PCLO: variants seen among roughly 807,000 people sequenced by gnomAD.
PCLO encodes piccolo presynaptic cytomatrix protein.
In PCLO, 82 loss-of-function variants were observed where a neutral mutation model predicts 427.5. The observed-to-expected ratio is 0.19, with a 90% confidence interval of 0.16 to 0.23. The LOEUF is 0.23. Among genes scored for constraint, PCLO ranks in the 10% least tolerant of loss-of-function variants. The probability of loss-of-function intolerance (pLI) is 1.00; values close to 1 mark genes in which losing one functional copy is unlikely to be tolerated. For synonymous variants in PCLO, 2,357 were observed against 2,155.4 expected (o/e 1.09, Z -2.59); for missense variants, 6,239 against 6,115.9 (o/e 1.02, Z -0.67).
chr7:82,816,761 T>C (rs1042713946), intron 20 of PCLO, among the ~76,000 whole-genome samples: 1 of 152,086 alleles, frequency 6.6e-6, no homozygotes, highest in Non-Finnish European at 1.5e-5. Flanking sequence ...TCACGTCAGA[T>C]GAAATGAACA....
At position 82,966,252 on chromosome 7, in the gene PCLO, G is replaced by T; in HGVS notation, c.3536C>A (p.Thr1179Lys). Residue 1179 changes from threonine to lysine, a missense_variant, in exon 4 of 25, where the codon ACA becomes AAA. Thr to Lys is a moderately conservative substitution (Grantham distance 78). Coordinates refer to ENST00000333891, the MANE Select transcript of PCLO (RefSeq NM_033026.6). ...EKVILEKVKE[T>K]LSMEKIPPMV... ...AGGAGGAATTTTTTCCATTGATAGT[G>T]TTTCCTTTACTTTTTCCAGAATGAC... is the stretch of plus-strand genomic sequence containing the variant. 5.6e-6 allele frequency: 9 copies of T among 1,611,318 alleles called. No individual in the cohort carries two copies. Among genetic ancestry groups the T allele is most frequent in the Non-Finnish European group, 7.6e-6 (9 of 1,179,276 alleles).
intron 3 of PCLO, among the ~76,000 whole-genome samples, chr7:83,128,966 A>G (rs945573096): frequency 1.3e-5 from 2 of 152,038 alleles, no homozygotes; most frequent in African/African-American, 4.8e-5. Flanking sequence ...AGGGCCCCAA[A>G]TGTTACCTGG....
At chr7:83,075,078 T>G (rs1789916677) in intron 3 of PCLO, among the ~76,000 whole-genome samples, 1 of 152,138 alleles carries the variant, frequency 6.6e-6, no homozygotes, top group African/African-American at 2.4e-5. Context: ...GTTAGTATTT[T>G]GAGTCCCTTA....
chr7:82,907,836 G>A (rs767308507), intron 8 of PCLO, among the ~76,000 whole-genome samples: 2 of 151,924 alleles, frequency 1.3e-5, no homozygotes, highest in Non-Finnish European at 2.9e-5. Flanking sequence ...ATTTGTCCAT[G>A]AAAACTTAAA....
chr7:82,825,801 T>C (rs1349450553), intron 18 of PCLO, among the ~76,000 whole-genome samples: 7 of 148,024 alleles, frequency 4.7e-5, no homozygotes, highest in African/African-American at 1.7e-4. Context: ...ATATAAAATA[T>C]ATGTATATAC....
Position 82,951,407 on chromosome 7 carries a change from G to T in PCLO, c.9181C>A (p.Pro3061Thr). 1 of 1,599,256 alleles carries T rather than the reference G, an allele frequency of 6.3e-7. No individual in the cohort carries two copies. The highest frequency in any genetic ancestry group is 8.5e-7 in the Non-Finnish European group (1 of 1,172,260). The change falls in exon 6 of 25, where the codon CCA (proline) becomes ACA (threonine). Residue 3061 changes from proline to threonine, a missense_variant. Pro to Thr is a conservative substitution (Grantham distance 38). Coordinates refer to ENST00000333891, the MANE Select transcript of PCLO (RefSeq NM_033026.6). ...GTCATTCTTGCTGTGGAATACTGTG[G>T]GGTACTAATCCCAGCTCCTGAAATG... The part of the protein sequence containing the change: ...QVISGAGIST[P>T]QYSTARMTPP...
intron 17 of PCLO, among the ~76,000 whole-genome samples, chr7:82,827,112 T>C (rs1248274133): frequency 1.3e-5 from 2 of 152,052 alleles, no homozygotes; most frequent in African/African-American, 2.4e-5. Flanking sequence ...CAAACCCAGA[T>C]TATAATTTAT....
intron 16 of PCLO, among the ~76,000 whole-genome samples, 174 bp downstream of exon 16, chr7:82,835,493 A>G (rs769329754): frequency 6.6e-6 from 1 of 152,120 alleles, no homozygotes; most frequent in Non-Finnish European, 1.5e-5. Context: ...TGCTAAAGCT[A>G]TTTAGAAATA....
chr7:83,150,771 C>T (rs1041102287), intron 2 of PCLO, among the ~76,000 whole-genome samples: 2 of 152,116 alleles, frequency 1.3e-5, no homozygotes, highest in African/African-American at 4.8e-5. Flanking sequence ...TTCACCCATA[C>T]ATTACGCAAG....
chr7:82,998,095 G>C (rs1201508334), intron 3 of PCLO, among the ~76,000 whole-genome samples: 1 of 151,990 alleles, frequency 6.6e-6, no homozygotes, highest in Non-Finnish European at 1.5e-5. Flanking sequence ...TACCAGTGCA[G>C]AAACTCAGAA....
intron 2 of PCLO, among the ~76,000 whole-genome samples, chr7:83,136,889 C>T (rs557199505): frequency 1.3e-5 from 2 of 152,158 alleles, no homozygotes; most frequent in African/African-American, 2.4e-5. Context: ...TTAAAAGTAC[C>T]TATGTTTAAC....
At chr7:82,905,191 T>C (rs1489222164) in intron 8 of PCLO, among the ~76,000 whole-genome samples, 2 of 152,074 alleles carry the variant, frequency 1.3e-5, no homozygotes, top group African/African-American at 2.4e-5. Flanking sequence ...TCCTCATTGA[T>C]AGAATTATTG....
In PCLO at chr7:82,935,490, T is replaced by C. The variant is rs1438758316; in HGVS notation, c.11112+13986A>G. 2.0e-5 allele frequency among the ~76,000 whole-genome samples: 3 copies of C among 151,436 alleles called. No individual in the cohort carries two copies. The Admixed American group carries it at 2.0e-4, about 10-fold the overall frequency. On this transcript the variant is annotated intron_variant, in intron 6 of 24. Transcript: ENST00000333891. Reference sequence around the variant, plus strand: ...TAAGAATCAAATGCAATTATGTATGTTGCTTTTCACTCGGCAAAAAAGCAA... The same window carrying C: ...TAAGAATCAAATGCAATTATGTATGCTGCTTTTCACTCGGCAAAAAAGCAA...
chr7:83,157,471 GTAGT>G (rs1792331079), intron 1 of PCLO, among the ~76,000 whole-genome samples: 1 of 151,940 alleles, frequency 6.6e-6, no homozygotes, highest in African/African-American at 2.4e-5. Flanking sequence ...AATGTAGCAA[GTAGT>G]TAATTTTCAA....
chr7:82,955,662 C>T lies in PCLO; in HGVS notation c.5291G>A (p.Gly1764Asp). ...QQRKARHRPH[G>D]PLLPTIEDSS... is the part of the protein sequence containing the mutation. The stretch of plus-strand genomic sequence containing the variant: ...ATCTTCAATAGTAGGCAAAAGAGGG[C>T]CATGTGGTCTGTGCCGAGCTTTGCG... Residue 1764 changes from glycine (G) to aspartate (D), a missense_variant, in exon 5 of 25, where the codon GGC (glycine) becomes GAC (aspartate). Gly to Asp is a moderately conservative substitution (Grantham distance 94). This residue lies in a region of PCLO where 4,677 missense variants were observed against 4,468.4 expected (regional missense o/e 1.05). Coordinates refer to ENST00000333891, the MANE Select transcript of PCLO (RefSeq NM_033026.6). 1.2e-6 allele frequency: 2 copies of T among 1,613,936 alleles called. No individual in the cohort carries two copies. The highest frequency in any genetic ancestry group is 1.7e-6 in the Non-Finnish European group (2 of 1,179,874).
At chr7:82,858,520 T>C (rs1792865662) in intron 10 of PCLO, among the ~76,000 whole-genome samples, 1 of 152,160 alleles carries the variant, frequency 6.6e-6, no homozygotes, top group African/African-American at 2.4e-5. Context: ...AATTGTCTAT[T>C]TGCAGATGAC....
intron 20 of PCLO, chr7:82,822,096 C>CT (rs11394716): frequency 0.46 from 400,327 of 867,274 alleles, 29,636 homozygotes; most frequent in East Asian, 0.69. Context: ...TATGTGTGCA[C>CT]TTTTTTTTTT....
At chr7:83,117,280 A>C (rs1791158778) in intron 3 of PCLO, among the ~76,000 whole-genome samples, 1 of 152,166 alleles carries the variant, frequency 6.6e-6, no homozygotes, top group Non-Finnish European at 1.5e-5. Context: ...AGGCAGGCCC[A>C]AGAGTAAGAG....
intron 3 of PCLO, among the ~76,000 whole-genome samples, chr7:82,994,644 G>A (rs952522557): frequency 1.1e-4 from 17 of 151,332 alleles, no homozygotes; most frequent in African/African-American, 3.9e-4. Context: ...TGGGGTATAT[G>A]AGATGTGTTG....
Sources: gnomAD v4.1 joint callset for allele counts (sites outside exome capture counted in the v4.1 genomes callset) on GRCh38, gnomAD v4.1.1 for gene constraint, gnomAD v4.1.1 regional missense constraint, MANE v1.5 for transcripts, NCBI Gene and HGNC (gene_info 2026-07-23, HGNC 2026-07-21) for gene names.